Variants in PARPBP observed in about 807,000 individuals in gnomAD.
PARPBP encodes the protein PARP1 binding protein.
In PARPBP, 52 loss-of-function variants were observed where a neutral mutation model predicts 50.0. That is an observed-to-expected ratio of 1.04 (90% CI 0.83 to 1.31). The LOEUF is 1.31. Ranked by LOEUF, PARPBP falls within the 50% of genes most tolerant of loss-of-function variation. The pLI is 0.00. For synonymous variants in PARPBP, 244 were observed against 232.1 expected (o/e 1.05, Z -0.47); for missense variants, 697 against 672.0 (o/e 1.04, Z -0.41).
At chr12:102,140,860 A>T (rs936306624) in intron 2 of PARPBP, among the ~76,000 whole-genome samples, 8 of 152,178 alleles carry the variant, frequency 5.3e-5, no homozygotes, top group African/African-American at 1.7e-4. Flanking sequence ...GTCTGTTAGA[A>T]TTTCTGTTCT....
chr12:102,123,954 T>C lies in PARPBP; in HGVS notation c.66T>C (p.Ala22=). Residue 22 remains alanine (A), a synonymous_variant, in exon 2 of 11, where the codon GCT becomes GCC. Coordinates refer to ENST00000327680, the MANE Select transcript of PARPBP (RefSeq NM_017915.5). ...AAGAGTTTCGAAAAAATTGGCGTGC[T>C]CTTTGTAACTCTGAGAGAACTACTC... ...MIKEFRKNWR[A]LCNSERTTLC... is the part of the protein sequence containing the mutation. The C allele has an allele frequency of 6.5e-7, 1 of 1,534,826 alleles. No individual in the cohort carries two copies. Among genetic ancestry groups the C allele is most frequent in the South Asian group, 1.2e-5 (1 of 84,044 alleles).
At chr12:102,147,849 A>G (rs1330207172) in intron 2 of PARPBP, among the ~76,000 whole-genome samples, 1 of 152,200 alleles carries the variant, frequency 6.6e-6, no homozygotes, top group Non-Finnish European at 1.5e-5. Context: ...CGCCAAAAGA[A>G]CGAAAAGGAA....
intron 9 of PARPBP, among the ~76,000 whole-genome samples, chr12:102,188,344 G>GA: frequency 1.3e-5 from 2 of 151,774 alleles, no homozygotes; most frequent in South Asian, 4.2e-4. Context: ...GAAAACCCCT[G>GA]AAAAACAGAC....
At chr12:102,190,004 T>G (rs956695852) in intron 9 of PARPBP, among the ~76,000 whole-genome samples, 2 of 152,184 alleles carry the variant, frequency 1.3e-5, no homozygotes, top group African/African-American at 4.8e-5. Context: ...GAGTAGAGTT[T>G]ACTCTGAACA....
Position 102,196,877 on chromosome 12 carries a change from T to C in PARPBP, c.*586T>C. 1 of 1,153,736 alleles carries C rather than the reference T, an allele frequency of 8.7e-7. No individual in the cohort carries two copies. The highest frequency in any genetic ancestry group is 1.3e-6 in the Non-Finnish European group (1 of 790,332). The allele number at this position is 1,153,736 out of a possible 1,614,324, so 71.5% of individuals were successfully genotyped here. A position where few individuals can be genotyped will look rare whatever the true frequency, so the allele number is the denominator to read the frequency against. On this transcript the variant is annotated 3_prime_UTR_variant, in exon 11 of 11. Transcript: ENST00000327680. ...AGGTGTAATTGAGCCATGGTCTTAT[T>C]TGATTTTGTTATGATTGCATCCAAA...
At chr12:102,155,222 A>C in intron 4 of PARPBP, 1 of 157,940 alleles carries the variant, frequency 6.3e-6, no homozygotes, top group Non-Finnish European at 1.4e-5. Flanking sequence ...GGTGGAGGTT[A>C]CAGTGAGCTG....
At chr12:102,187,452 A>G (rs894752570) in intron 9 of PARPBP, among the ~76,000 whole-genome samples, 4 of 152,152 alleles carry the variant, frequency 2.6e-5, no homozygotes, top group African/African-American at 9.6e-5. Context: ...ACACACTGAG[A>G]GAAATAAAGG....
intron 1 of PARPBP, 102 bp downstream of exon 1, chr12:102,120,388 A>G (rs1275273451): frequency 4.4e-6 from 2 of 450,682 alleles, no homozygotes; most frequent in East Asian, 1.4e-4. Flanking sequence ...CGGTCGTAGC[A>G]AAGTGCCGTG....
At chr12:102,137,501 T>A (rs1039730603) in intron 2 of PARPBP, among the ~76,000 whole-genome samples, 1 of 145,916 alleles carries the variant, frequency 6.9e-6, no homozygotes, top group Admixed American at 6.9e-5. Flanking sequence ...CTCTAGCAGT[T>A]ATATACTGCT....
chr12:102,181,038 A>G (rs1033564600), intron 8 of PARPBP, among the ~76,000 whole-genome samples: 6 of 152,204 alleles, frequency 3.9e-5, no homozygotes, highest in Admixed American at 2.6e-4. Flanking sequence ...ATCCAAAACT[A>G]TAGGGTGGGT....
intron 2 of PARPBP, among the ~76,000 whole-genome samples, chr12:102,131,331 AAAAAC>A (rs1202941631): frequency 1.3e-5 from 2 of 152,224 alleles, no homozygotes; most frequent in African/African-American, 4.8e-5. Flanking sequence ...TCTCAAAAGA[AAAAAC>A]AAAAGAGGTA....
intron 9 of PARPBP, among the ~76,000 whole-genome samples, chr12:102,188,664 T>C (rs895705393): frequency 1.3e-5 from 2 of 152,054 alleles, no homozygotes; most frequent in Admixed American, 6.6e-5. Context: ...GCAAGATGAT[T>C]TGTCCTTTAA....
chr12:102,164,582 C>T lies in PARPBP; in HGVS notation c.640C>T (p.Arg214Ter), dbSNP rs753543416. Residue 214 changes from arginine to a stop codon, truncating the protein, a stop_gained, in exon 5 of 11, where the codon CGA becomes TGA. Transcript: ENST00000327680. LOFTEE classifies it high-confidence loss of function. ...CTTCACTGATTTGAAACATGCTGCT[C>T]GAGAGAAACAAATGTCTATCTTTTT... ...EAFTDLKHAAREKQMSIFLVA... is the reference protein window; with the variant it reads ...EAFTDLKHAA The T allele has an allele frequency of 1.2e-5, 19 of 1,613,186 alleles. No homozygotes were observed. The highest frequency in any genetic ancestry group is 1.6e-4 in the Middle Eastern group (1 of 6,080).
intron 4 of PARPBP, among the ~76,000 whole-genome samples, chr12:102,159,225 G>A (rs1186331892): frequency 1.3e-5 from 2 of 152,124 alleles, no homozygotes; most frequent in African/African-American, 2.4e-5. Context: ...CCGCCTCCTG[G>A]GTTCAAGCAA....
intron 3 of PARPBP, chr12:102,151,624 G>T: frequency 6.5e-7 from 1 of 1,535,678 alleles, no homozygotes; most frequent in Non-Finnish European, 8.7e-7. Context: ...GTCTAGGCCA[G>T]ATCTCTTGGC....
intron 9 of PARPBP, among the ~76,000 whole-genome samples, chr12:102,193,787 C>T (rs1374064552): frequency 6.6e-6 from 1 of 151,936 alleles, no homozygotes; most frequent in Non-Finnish European, 1.5e-5. Flanking sequence ...ACATATAGGG[C>T]ATCTTGAGGT....
intron 9 of PARPBP, among the ~76,000 whole-genome samples, chr12:102,186,322 C>T (rs1378196268): frequency 1.3e-5 from 2 of 151,852 alleles, no homozygotes; most frequent in African/African-American, 4.8e-5. Context: ...TTTATTTCTG[C>T]TCTAATCTTT....
chr12:102,141,981 G>A (rs751137136), intron 2 of PARPBP, among the ~76,000 whole-genome samples: 12 of 152,036 alleles, frequency 7.9e-5, no homozygotes, highest in Admixed American at 4.6e-4. Context: ...TGGTCTTCTC[G>A]AGGAGTATCT....
At chr12:102,156,433 C>T (rs1886952714) in intron 4 of PARPBP, among the ~76,000 whole-genome samples, 1 of 151,526 alleles carries the variant, frequency 6.6e-6, no homozygotes, top group Non-Finnish European at 1.5e-5. Context: ...ACCTCGTGAT[C>T]CGCCCACCTT....
Sources: allele counts gnomAD v4.1 joint callset (sites outside exome capture counted in the v4.1 genomes callset), GRCh38; gene constraint gnomAD v4.1.1; transcripts MANE v1.5; gene names NCBI Gene and HGNC (gene_info 2026-07-23, HGNC 2026-07-21).